ADCY9: variants seen among roughly 807,000 people sequenced by gnomAD.
ADCY9 encodes the protein adenylate cyclase type 9.
A neutral mutation model predicts 101.5 loss-of-function variants in ADCY9; 50 were observed. The ratio of observed to expected loss-of-function variants is 0.49; its 90% CI spans 0.39 to 0.62. ADCY9 has a LOEUF of 0.62. Among genes scored for constraint, ADCY9 ranks in the 20% least tolerant of loss-of-function variants. The pLI, the probability that ADCY9 is intolerant of heterozygous loss-of-function variation, is 0.00. For synonymous variants in ADCY9, 905 were observed against 769.3 expected, an observed-to-expected ratio of 1.18 and a Z score of -2.92; for missense variants, 1,662 against 1,800.4, an observed-to-expected ratio of 0.92 and a Z score of 1.39.
At chr16:4,038,838 C>T (rs1485983484) in intron 2 of ADCY9, among the ~76,000 whole-genome samples, 1 of 152,122 alleles carries the variant, frequency 6.6e-6, no homozygotes, top group African/African-American at 2.4e-5. Flanking sequence ...TCCACTCCCA[C>T]TGCCTGAACC....
At chr16:4,006,863 A>C (rs2056370552) in intron 3 of ADCY9, among the ~76,000 whole-genome samples, 1 of 152,150 alleles carries the variant, frequency 6.6e-6, no homozygotes, top group Non-Finnish European at 1.5e-5. Context: ...CAATAATGAA[A>C]TACTACAATG....
At position 4,115,728 on chromosome 16, in the gene ADCY9, G is replaced by A. The variant is rs1057403650; in HGVS notation, c.-82C>T. The stretch of plus-strand genomic sequence containing the variant: ...GGGTCCCCGCCGCGTGGCCGCCGTG[G>A]CTCCGGGACCGCTTTGCTCGCTCGC... On this transcript the variant is annotated 5_prime_UTR_variant, in exon 1 of 11. Coordinates refer to ENST00000294016, the MANE Select transcript of ADCY9 (RefSeq NM_001116.4). The surrounding 1 kb of genome is among the most constrained non-coding windows in gnomAD (Gnocchi z 6.2). 2.1e-5 allele frequency: 9 copies of A among 424,830 alleles called. No individual in the cohort carries two copies. Among genetic ancestry groups the A allele is most frequent in the Non-Finnish European group, 3.3e-5 (8 of 242,370 alleles). The allele number at this position is 424,830 out of a possible 1,614,324, so 26.3% of individuals were successfully genotyped here. A position where few individuals can be genotyped will look rare whatever the true frequency, so the allele number is the denominator to read the frequency against.
chr16:3,978,736 T>G (rs558483531), intron 8 of ADCY9, among the ~76,000 whole-genome samples: 196 of 152,326 alleles, frequency 1.3e-3, no homozygotes, highest in African/African-American at 3.6e-3. Context: ...TTATTTTATT[T>G]TGTGACGCAG....
chr16:4,101,241 TAATA>T (rs2057041328), intron 2 of ADCY9, among the ~76,000 whole-genome samples: 2 of 151,798 alleles, frequency 1.3e-5, no homozygotes, highest in South Asian at 4.2e-4. Context: ...ACCCTATCTG[TAATA>T]CAGTCAGGAA....
Position 3,963,461 on chromosome 16 carries a change from G to A in ADCY9, c.*2314C>T, listed in dbSNP as rs962685294. The A allele has an allele frequency of 2.3e-5, 9 of 396,966 alleles. No homozygotes were observed. The highest frequency in any genetic ancestry group is 1.0e-4 in the African/African-American group (5 of 48,510). The allele number at this position is 396,966 out of a possible 1,614,324, so 24.6% of individuals were successfully genotyped here. ...GACCCGAGGGGCTTCGTGGCCCAGA[G>A]AGAACGTCTGCACTGGCTGTTTAGG... is the stretch of plus-strand genomic sequence containing the variant. On this transcript the variant is annotated 3_prime_UTR_variant, in exon 11 of 11. Transcript: ENST00000294016.
intron 3 of ADCY9, among the ~76,000 whole-genome samples, chr16:4,004,848 G>A (rs974350546): frequency 2.0e-5 from 3 of 152,208 alleles, no homozygotes; most frequent in African/African-American, 7.2e-5. Flanking sequence ...GCAGACAGGA[G>A]TTCAGGGGAA....
At position 3,983,269 on chromosome 16, in the gene ADCY9, G is replaced by A; in HGVS notation, c.2482C>T (p.Leu828=). 6.4e-7 allele frequency: 1 copy of A among 1,553,852 alleles called. No individual in the cohort carries two copies. The highest frequency in any genetic ancestry group is 1.2e-5 in the South Asian group (1 of 84,232). Residue 828 remains leucine (L), a synonymous_variant, in exon 7 of 11, where the codon CTG becomes TTG. Coordinates refer to ENST00000294016, the MANE Select transcript of ADCY9 (RefSeq NM_001116.4). ...PAALAVFSAA[L]LLEVLSLAVS... is the part of the protein sequence containing the mutation. ...GCGAGGGACAGCACCTCCAGCAGCA[G>A]GGCTGCACTGAAGACCGCCAGGGCG...
chr16:4,085,991 T>A (rs759909728), intron 2 of ADCY9, among the ~76,000 whole-genome samples: 1 of 151,728 alleles, frequency 6.6e-6, no homozygotes, highest in Non-Finnish European at 1.5e-5. Context: ...GAGTATCTAC[T>A]GTGCCCTAAA....
intron 2 of ADCY9, among the ~76,000 whole-genome samples, chr16:4,042,843 C>T (rs993689197): frequency 2.0e-5 from 3 of 152,170 alleles, no homozygotes; most frequent in African/African-American, 4.8e-5. Flanking sequence ...TGGACGATTC[C>T]GGTTTTGGTC....
chr16:4,009,990 T>A (rs2056392854), intron 2 of ADCY9, among the ~76,000 whole-genome samples: 1 of 152,206 alleles, frequency 6.6e-6, no homozygotes, highest in Non-Finnish European at 1.5e-5. Flanking sequence ...TGACTGTGGA[T>A]GGCCACTCTG....
At position 4,114,165 on chromosome 16, in the gene ADCY9, G is replaced by A. The variant is rs538208280; in HGVS notation, c.1278C>T (p.Phe426=). The A allele has an allele frequency of 1.2e-6, 2 of 1,613,882 alleles. No homozygotes were observed. The highest frequency in any genetic ancestry group is 1.1e-5 in the South Asian group (1 of 91,082). ...VGLLNDLFGR[F]DRLCEETKCE... is the part of the protein sequence containing the mutation. The stretch of plus-strand genomic sequence containing the variant: ...ACTTGGTCTCCTCACACAGGCGGTC[G>A]AAGCGACCGAACAGATCGTTCAGGA... The change falls in exon 2 of 11, where the codon TTC becomes TTT. Residue 426 remains phenylalanine, a synonymous_variant. Coordinates refer to ENST00000294016, the MANE Select transcript of ADCY9 (RefSeq NM_001116.4). This position sits in a 1 kb window ranked among gnomAD's most constrained non-coding sequence, Gnocchi z 4.3.
intron 2 of ADCY9, among the ~76,000 whole-genome samples, chr16:4,111,352 C>T (rs919498541): frequency 2.0e-5 from 3 of 152,148 alleles, no homozygotes; most frequent in African/African-American, 7.2e-5. Context: ...GGCGCAGCCT[C>T]GGCTCACTAC....
intron 7 of ADCY9, 99 bp downstream of exon 7, chr16:3,983,133 G>C (rs563098641): frequency 4.4e-4 from 503 of 1,154,280 alleles, no homozygotes; most frequent in African/African-American, 4.0e-3. Context: ...AGCAGGGACA[G>C]CTGGCTGGGG....
intron 2 of ADCY9, among the ~76,000 whole-genome samples, chr16:4,046,290 A>G (rs1303939019): frequency 6.6e-6 from 1 of 152,172 alleles, no homozygotes; most frequent in African/African-American, 2.4e-5. Flanking sequence ...CCCAGTGCCC[A>G]GCACTGAACC....
At chr16:4,004,653 A>G (rs2056355161) in intron 3 of ADCY9, among the ~76,000 whole-genome samples, 1 of 152,242 alleles carries the variant, frequency 6.6e-6, no homozygotes, top group Admixed American at 6.5e-5. Context: ...GAAATATTTA[A>G]GTTATTTAAC....
chr16:4,020,489 G>A (rs1409172745), intron 2 of ADCY9, among the ~76,000 whole-genome samples: 1 of 152,116 alleles, frequency 6.6e-6, no homozygotes, highest in Non-Finnish European at 1.5e-5. Context: ...ATACGAGAGG[G>A]AGAGTACCCT....
Position 4,007,372 on chromosome 16 carries a change from A to C in ADCY9, c.1880T>G (p.Leu627Arg), listed in dbSNP as rs1383105495. The C allele has an allele frequency of 1.9e-6, 3 of 1,564,944 alleles. No individual in the cohort carries two copies. Among genetic ancestry groups the C allele is most frequent in the Non-Finnish European group, 2.6e-6 (3 of 1,160,542 alleles). ...LAQTVKTFDN[L>R]KTCPSCGITF... Reference sequence around the variant, plus strand: ...AAAAAAAACAAAAAAACTAACCTTAAGGTTATCAAAGGTTTTGACAGTCTG... The same window carrying C: ...AAAAAAAACAAAAAAACTAACCTTACGGTTATCAAAGGTTTTGACAGTCTG... Residue 627 changes from leucine (L) to arginine (R), a missense_variant, in exon 3 of 11, where the codon CTT (leucine) becomes CGT (arginine). Physicochemically the swap from Leu to Arg is moderately radical, Grantham distance 102. This residue lies in a region of ADCY9 where 624 missense variants were observed against 639.1 expected (regional missense o/e 0.98). Coordinates refer to ENST00000294016, the MANE Select transcript of ADCY9 (RefSeq NM_001116.4).
intron 2 of ADCY9, among the ~76,000 whole-genome samples, chr16:4,109,299 G>T (rs535110486): frequency 5.3e-5 from 8 of 152,090 alleles, no homozygotes; most frequent in Admixed American, 5.2e-4. Context: ...GTGCAATCAC[G>T]GCTCTCTGCA....
At chr16:4,097,487 T>TACATATATATATATACAC (rs1555445957) in intron 2 of ADCY9, among the ~76,000 whole-genome samples, 2 of 72,508 alleles carry the variant, frequency 2.8e-5, no homozygotes, top group African/African-American at 1.0e-4. Context: ...TATATATATA[T>TACATATATATATATACAC]ACACACACAC....
Sources: gnomAD v4.1 joint callset for allele counts (sites outside exome capture counted in the v4.1 genomes callset) on GRCh38, gnomAD v4.1.1 for gene constraint, gnomAD v4.1.1 regional missense constraint, Gnocchi (gnomAD v3.1) non-coding constraint, MANE v1.5 for transcripts, NCBI Gene and HGNC (gene_info 2026-07-23, HGNC 2026-07-21) for gene names.